The following NOVA1 variants were observed in gnomAD, a reference collection of about 807,000 sequenced individuals.
The protein encoded by NOVA1 is NOVA alternative splicing regulator 1, also known as RNA-binding protein Nova-1.
In NOVA1, 7 loss-of-function variants were observed where a neutral mutation model predicts 38.0. The observed-to-expected ratio is 0.18, with a 90% CI of 0.10 to 0.35. The LOEUF (loss-of-function observed/expected upper bound fraction) is 0.35. Among genes scored for constraint, NOVA1 ranks in the 10% least tolerant of loss-of-function variants. The pLI, the probability that NOVA1 is intolerant of heterozygous loss-of-function variation, is 1.00. For missense variants in NOVA1, 460 were observed against 616.0 expected (o/e 0.75, Z 2.68); for synonymous variants, 270 against 232.5 (o/e 1.16, Z -1.47).
At chr14:26,586,617 A>G (rs1443647172) in intron 2 of NOVA1, among the ~76,000 whole-genome samples, 1 of 151,226 alleles carries the variant, frequency 6.6e-6, no homozygotes, top group Non-Finnish European at 1.5e-5. Flanking sequence ...TAAAATGTAG[A>G]AGTATAGCTA....
At chr14:26,572,351 T>C (rs866147387) in intron 2 of NOVA1, among the ~76,000 whole-genome samples, 18 of 152,328 alleles carry the variant, frequency 1.2e-4, no homozygotes, top group South Asian at 4.1e-4. Context: ...TGAAAATCAC[T>C]GGTGCCAATA....
chr14:26,471,371 G>T (rs1884574388), intron 4 of NOVA1, among the ~76,000 whole-genome samples: 1 of 151,418 alleles, frequency 6.6e-6, no homozygotes, highest in Non-Finnish European at 1.5e-5. Context: ...TTAATAATTT[G>T]TTAGTCAACT....
intron 2 of NOVA1, among the ~76,000 whole-genome samples, chr14:26,539,870 G>T (rs1315917364): frequency 6.8e-6 from 1 of 147,922 alleles, no homozygotes; most frequent in Admixed American, 6.8e-5. Context: ...AGAGGCAAAG[G>T]AAAAAAAAAA....
intron 2 of NOVA1, among the ~76,000 whole-genome samples, chr14:26,491,146 G>A (rs917588347): frequency 6.6e-5 from 10 of 151,298 alleles, no homozygotes; most frequent in Non-Finnish European, 8.8e-5. Context: ...CACCGTGCCC[G>A]GCCACATCTG....
At chr14:26,485,738 T>C (rs1885837209) in intron 2 of NOVA1, among the ~76,000 whole-genome samples, 1 of 152,156 alleles carries the variant, frequency 6.6e-6, no homozygotes, top group South Asian at 2.1e-4. Flanking sequence ...AGAAAATGCA[T>C]CAGTTTATAT....
chr14:26,474,412 A>G (rs533310499), intron 3 of NOVA1, among the ~76,000 whole-genome samples: 1 of 152,230 alleles, frequency 6.6e-6, no homozygotes, highest in Admixed American at 6.5e-5. Context: ...TTGCAAATTG[A>G]ACTTTTAATT....
At chr14:26,581,655 G>A (rs557547768) in intron 2 of NOVA1, among the ~76,000 whole-genome samples, 44 of 151,910 alleles carry the variant, frequency 2.9e-4, no homozygotes, top group Middle Eastern at 3.4e-3. Context: ...CAAAATTTTT[G>A]TAGGATTTAC....
chr14:26,548,342 AT>A (rs1217261842), intron 2 of NOVA1, among the ~76,000 whole-genome samples: 7 of 152,006 alleles, frequency 4.6e-5, no homozygotes, highest in Admixed American at 2.0e-4. Flanking sequence ...GAATGAAGTT[AT>A]TTTTTATCTG....
At chr14:26,503,859 T>G (rs896602131) in intron 2 of NOVA1, among the ~76,000 whole-genome samples, 1 of 152,098 alleles carries the variant, frequency 6.6e-6, no homozygotes, top group African/African-American at 2.4e-5. Context: ...AATGAAAAAA[T>G]TTACATAACA....
chr14:26,594,694 C>T (rs993142110), intron 2 of NOVA1, among the ~76,000 whole-genome samples: 1 of 151,928 alleles, frequency 6.6e-6, no homozygotes, highest in African/African-American at 2.4e-5. Context: ...CTATTTAACA[C>T]TTAAAAAGGC....
At chr14:26,457,692 T>C (rs1251842499) in intron 4 of NOVA1, among the ~76,000 whole-genome samples, 1 of 152,116 alleles carries the variant, frequency 6.6e-6, no homozygotes, top group African/African-American at 2.4e-5. Context: ...TATTCTAGAC[T>C]GTACTCCATT....
chr14:26,469,130 C>T (rs988387180), intron 4 of NOVA1, among the ~76,000 whole-genome samples: 6 of 152,224 alleles, frequency 3.9e-5, no homozygotes, highest in Non-Finnish European at 5.9e-5. Flanking sequence ...TAAAACTCCA[C>T]GTGTAGAAGA....
intron 2 of NOVA1, among the ~76,000 whole-genome samples, chr14:26,574,496 T>C (rs1414108611): frequency 6.6e-6 from 1 of 152,110 alleles, no homozygotes. Flanking sequence ...AATTTCCCCA[T>C]ATATCCTTCT....
At chr14:26,562,393 C>A (rs2138686851) in intron 2 of NOVA1, among the ~76,000 whole-genome samples, 1 of 152,180 alleles carries the variant, frequency 6.6e-6, no homozygotes, top group Admixed American at 6.5e-5. Context: ...AAAAGTCTAG[C>A]ATATAGTAAG....
chr14:26,554,408 T>C (rs901593446), intron 2 of NOVA1, among the ~76,000 whole-genome samples: 5 of 152,062 alleles, frequency 3.3e-5, no homozygotes, highest in Admixed American at 3.3e-4. Flanking sequence ...GCAAAGAGAA[T>C]GACTAGACTT....
intron 2 of NOVA1, among the ~76,000 whole-genome samples, chr14:26,530,392 C>T (rs1284622167): frequency 1.3e-5 from 2 of 152,052 alleles, no homozygotes; most frequent in East Asian, 3.8e-4. Context: ...ATCAAACATT[C>T]TGTTAAGATT....
At position 26,536,755 on chromosome 14, in the gene NOVA1, A is replaced by G. The variant is rs144914251; in HGVS notation, c.281-56612T>C. Among the ~76,000 whole-genome samples the G allele has an allele frequency of 1.1e-3, 165 of 152,280 alleles. 1 individual carries two copies. In the East Asian group the frequency reaches 0.014, roughly 13 times the overall value. On this transcript the variant is annotated intron_variant, in intron 2 of 4. Coordinates refer to ENST00000539517, the MANE Select transcript of NOVA1 (RefSeq NM_002515.3). ...AAGGGGGGGAAAGATAACAGACTTT[A>G]CTATGTAAAAATTTTTTAATTTTGT...
At chr14:26,596,437 A>G (rs1305027234) in intron 1 of NOVA1, 33 of 754,504 alleles carry the variant, frequency 4.4e-5, no homozygotes, top group Non-Finnish European at 5.9e-5. Context: ...AATTTCCGTC[A>G]ACTTGATCAC....
At chr14:26,583,904 CACACACACACACACACAT>C (rs1374277217) in intron 2 of NOVA1, among the ~76,000 whole-genome samples, 3 of 150,930 alleles carry the variant, frequency 2.0e-5, no homozygotes, top group African/African-American at 7.3e-5. Flanking sequence ...CACACACACA[CACACACACACACACACAT>C]ATATTGTATA....
Sources: gnomAD v4.1 joint callset for allele counts (sites outside exome capture counted in the v4.1 genomes callset) on GRCh38, gnomAD v4.1.1 for gene constraint, MANE v1.5 for transcripts, NCBI Gene and HGNC (gene_info 2026-07-23, HGNC 2026-07-21) for gene names.